ADAM17: variants seen among roughly 807,000 people sequenced by gnomAD.
The protein encoded by ADAM17 is disintegrin and metalloproteinase domain-containing protein 17.
In ADAM17, 39 loss-of-function variants were observed where a neutral mutation model predicts 96.7. The observed-to-expected ratio is 0.40, with a 90% CI of 0.31 to 0.53. The LOEUF (loss-of-function observed/expected upper bound fraction) is 0.53. Ranked by LOEUF, ADAM17 falls within the 20% of genes least tolerant of loss-of-function variation. The probability of loss-of-function intolerance (pLI) is 0.44; values close to 1 mark genes in which losing one functional copy is unlikely to be tolerated. For missense variants in ADAM17, 777 were observed against 1,013.2 expected (o/e 0.77, Z 3.17); for synonymous variants, 344 against 359.2 (o/e 0.96, Z 0.48).
chr2:9,552,666 T>C (rs1028178385), intron 1 of ADAM17, among the ~76,000 whole-genome samples: 4 of 152,200 alleles, frequency 2.6e-5, no homozygotes, highest in African/African-American at 7.2e-5. Flanking sequence ...CATCCTCTTT[T>C]ATTAAAAGTA....
At chr2:9,505,630 A>G in intron 11 of ADAM17, 2 of 440,794 alleles carry the variant, frequency 4.5e-6, no homozygotes, top group Admixed American at 6.9e-5. Flanking sequence ...CTATACAAAT[A>G]CTGAGACCAA....
intron 18 of ADAM17, 26 bp downstream of exon 18, chr2:9,491,075 A>G: frequency 1.9e-6 from 3 of 1,604,698 alleles, no homozygotes; most frequent in Non-Finnish European, 2.6e-6. Context: ...GGCGAAGATT[A>G]TGTTTCTTTC....
intron 1 of ADAM17, among the ~76,000 whole-genome samples, chr2:9,551,078 A>G (rs537026524): frequency 6.6e-6 from 1 of 152,082 alleles, no homozygotes; most frequent in East Asian, 1.9e-4. Flanking sequence ...GTCTCAAAAA[A>G]AAAAAAAAGG....
intron 4 of ADAM17, among the ~76,000 whole-genome samples, chr2:9,528,752 AC>A (rs1178604663): frequency 6.6e-6 from 1 of 152,218 alleles, no homozygotes; most frequent in Non-Finnish European, 1.5e-5. Flanking sequence ...AAAAACCCCC[AC>A]AATGAGACAC....
chr2:9,544,004 T>C (rs1051532041), intron 1 of ADAM17, among the ~76,000 whole-genome samples: 9 of 152,166 alleles, frequency 5.9e-5, no homozygotes, highest in African/African-American at 1.9e-4. Flanking sequence ...TATCAAAATA[T>C]CACATGTACC....
At chr2:9,533,615 T>A (rs1012057301) in intron 4 of ADAM17, among the ~76,000 whole-genome samples, 1 of 152,228 alleles carries the variant, frequency 6.6e-6, no homozygotes, top group African/African-American at 2.4e-5. Context: ...AAAACAATGC[T>A]GTGCATTTAC....
At chr2:9,514,978 A>G (rs1286367326) in intron 10 of ADAM17, among the ~76,000 whole-genome samples, 1 of 152,168 alleles carries the variant, frequency 6.6e-6, no homozygotes, top group Non-Finnish European at 1.5e-5. Context: ...GCCTCAAGTG[A>G]TCCTCCCGCG....
chr2:9,532,937 T>G (rs1664807780), intron 4 of ADAM17, among the ~76,000 whole-genome samples: 1 of 152,162 alleles, frequency 6.6e-6, no homozygotes, highest in African/African-American at 2.4e-5. Flanking sequence ...ATGCCTATAA[T>G]CTCAGCACTT....
intron 10 of ADAM17, among the ~76,000 whole-genome samples, chr2:9,511,520 T>A (rs758926739): frequency 6.6e-6 from 1 of 152,148 alleles, no homozygotes; most frequent in African/African-American, 2.4e-5. Flanking sequence ...ACTGAATTCA[T>A]GTCCAATAAC....
intron 1 of ADAM17, among the ~76,000 whole-genome samples, chr2:9,551,928 G>C (rs1665602136): frequency 6.6e-6 from 1 of 152,066 alleles, no homozygotes; most frequent in Non-Finnish European, 1.5e-5. Context: ...TAATCGTTTT[G>C]TTATACCTAT....
chr2:9,536,035 G>C (rs1006092481), intron 3 of ADAM17, 113 bp from the exon 4 acceptor site: 3 of 558,352 alleles, frequency 5.4e-6, no homozygotes, highest in Non-Finnish European at 8.3e-6. Context: ...AGTACTGTGA[G>C]AGCTCTGCAA....
intron 1 of ADAM17, among the ~76,000 whole-genome samples, chr2:9,547,901 A>T (rs1046446125): frequency 2.2e-4 from 34 of 152,044 alleles, no homozygotes; most frequent in African/African-American, 8.0e-4. Flanking sequence ...AAAAATAAAT[A>T]AAATAAAATA....
In ADAM17 at chr2:9,491,159, G is replaced by T. The variant is rs1558490803; in HGVS notation, c.2083-8C>A. ...TTTATCCAATTTCTTATCCTAGAAA[G>T]AAACAGCAAGAAGGTCATTCCCTAC... On this transcript the variant is annotated splice_polypyrimidine_tract_variant and splice_region_variant and intron_variant, in intron 17 of 18. Coordinates refer to ENST00000310823, the MANE Select transcript of ADAM17 (RefSeq NM_003183.6). 1.2e-6 allele frequency: 2 copies of T among 1,611,338 alleles called. No individual in the cohort carries two copies. The highest frequency in any genetic ancestry group is 3.3e-5 in the Admixed American group (2 of 59,920).
At chr2:9,549,332 G>A (rs1427966594) in intron 1 of ADAM17, among the ~76,000 whole-genome samples, 5 of 152,104 alleles carry the variant, frequency 3.3e-5, no homozygotes, top group Admixed American at 1.3e-4. Flanking sequence ...CTGAGATCAC[G>A]CCACTGCACT....
chr2:9,526,505 A>G (rs1664536223), intron 5 of ADAM17, among the ~76,000 whole-genome samples: 1 of 152,238 alleles, frequency 6.6e-6, no homozygotes, highest in African/African-American at 2.4e-5. Context: ...AAAGTGCTCA[A>G]CAGAGTAAGG....
chr2:9,526,548 C>T (rs1197372331), intron 5 of ADAM17, among the ~76,000 whole-genome samples: 2 of 152,126 alleles, frequency 1.3e-5, no homozygotes, highest in Non-Finnish European at 2.9e-5. Context: ...GTAATCCCAG[C>T]ACTTTGCGAG....
intron 3 of ADAM17, 103 bp downstream of exon 3, chr2:9,536,595 C>A (rs978212782): frequency 2.7e-6 from 4 of 1,483,326 alleles, no homozygotes; most frequent in Non-Finnish European, 3.6e-6. Flanking sequence ...TTCTATGACA[C>A]CCCGTCCCCA....
chr2:9,494,150 C>A (rs890479961), intron 15 of ADAM17, among the ~76,000 whole-genome samples: 1 of 152,154 alleles, frequency 6.6e-6, no homozygotes, highest in Non-Finnish European at 1.5e-5. Context: ...CAGCCAGACT[C>A]CCTGTGAAGC....
intron 1 of ADAM17, 68 bp from the exon 2 acceptor site, chr2:9,543,353 G>C: frequency 1.5e-6 from 2 of 1,331,406 alleles, no homozygotes; most frequent in Non-Finnish European, 2.0e-6. Context: ...GTTAAAATGA[G>C]AGTGCCAGAC....
Sources: allele counts gnomAD v4.1 joint callset (sites outside exome capture counted in the v4.1 genomes callset), GRCh38; gene constraint gnomAD v4.1.1; transcripts MANE v1.5; gene names NCBI Gene and HGNC (gene_info 2026-07-23, HGNC 2026-07-21).